The following NLRP2B variants were observed in gnomAD, a reference collection of about 807,000 sequenced individuals.
NLRP2B encodes NLR family pyrin domain-containing protein 2B.
For missense variants in NLRP2B, 25 were observed against 6.8 expected (o/e 3.70, Z -3.00); for synonymous variants, 16 against 3.5 (o/e 4.63, Z -4.03).
rs933051453 is a variant in NLRP2B at position 57,680,023 on chromosome X, G to A, written c.*100C>T. On this transcript the variant is annotated 3_prime_UTR_variant, in exon 1 of 1. Coordinates refer to ENST00000434992, the MANE Select transcript of NLRP2B (RefSeq NM_001319967.1). Reference sequence around the variant, plus strand: ...ACTTTCTCAGACAGATCCGCTCGGTGCATCTTTTCAAAGACCTGGATGGTC... The same window carrying A: ...ACTTTCTCAGACAGATCCGCTCGGTACATCTTTTCAAAGACCTGGATGGTC... The A allele has an allele frequency of 1.7e-5, 6 of 361,727 alleles. No individual in the cohort carries two copies. Among genetic ancestry groups the A allele is most frequent in the African/African-American group, 1.3e-4 (5 of 38,002 alleles). 29.8% of individuals were successfully genotyped at this position (361,727 alleles called of 1,213,427 possible).
chrX:57,678,566 T>A lies in NLRP2B; in HGVS notation c.*1557A>T. The A allele has an allele frequency of 2.0e-6, 1 of 497,662 alleles. No homozygotes were observed. Among genetic ancestry groups the A allele is most frequent in the Admixed American group, 2.6e-5 (1 of 38,597 alleles). The allele number at this position is 497,662 out of a possible 1,213,427, so 41.0% of individuals were successfully genotyped here. On this transcript the variant is annotated 3_prime_UTR_variant, in exon 1 of 1. Transcript: ENST00000434992. ...CAGCCCAAAGTGGTCTCCAACTCCT[T>A]GGCTTTCTTCTCGTTGGCGAAGCCG...
chrX:57,679,559 T>A lies in NLRP2B; in HGVS notation c.*564A>T. 1 of 579,798 alleles carries A rather than the reference T, an allele frequency of 1.7e-6. No individual in the cohort carries two copies. Among genetic ancestry groups the A allele is most frequent in the Non-Finnish European group, 3.0e-6 (1 of 338,586 alleles). The allele number at this position is 579,798 out of a possible 1,213,427, so 47.8% of individuals were successfully genotyped here. On this transcript the variant is annotated 3_prime_UTR_variant, in exon 1 of 1. Transcript: ENST00000434992. ...TAGAAAGCCTATCTAAATTTCTGGC[T>A]GAGGTTGTCCTCTGCCCAGTCCAGC...
In NLRP2B at chrX:57,677,348, A is replaced by G. The variant is rs941853468; in HGVS notation, c.*2775T>C. 2.7e-6 allele frequency: 1 copy of G among 368,683 alleles called. No homozygotes were observed. Among genetic ancestry groups the G allele is most frequent in the Admixed American group, 2.7e-5 (1 of 37,276 alleles). The allele number at this position is 368,683 out of a possible 1,213,427, so 30.4% of individuals were successfully genotyped here. A position where few individuals can be genotyped will look rare whatever the true frequency, so the allele number is the denominator to read the frequency against. On this transcript the variant is annotated 3_prime_UTR_variant, in exon 1 of 1. Transcript: ENST00000434992. The stretch of plus-strand genomic sequence containing the variant: ...CTGAGCACAGAGCAGAGGTCCTCAC[A>G]ACTGAACAGAGGGATGGAACACCCC...
At position 57,677,199 on chromosome X, in the gene NLRP2B, T is replaced by C. The variant is rs879231452; in HGVS notation, c.*2924A>G. The C allele has an allele frequency of 5.4e-6, 2 of 372,475 alleles. No homozygotes were observed. The highest frequency in any genetic ancestry group is 5.3e-5 in the Admixed American group (2 of 37,806). The allele number at this position is 372,475 out of a possible 1,213,427, so 30.7% of individuals were successfully genotyped here. ...TATCGAGTTCAACATTAAAGTCATC[T>C]ATTTTCAACCTGAGTGTCTGGAGGG... On this transcript the variant is annotated 3_prime_UTR_variant, in exon 1 of 1. Transcript: ENST00000434992.
At position 57,677,669 on chromosome X, in the gene NLRP2B, C is replaced by T. The variant is rs113416424; in HGVS notation, c.*2454G>A. On this transcript the variant is annotated 3_prime_UTR_variant, in exon 1 of 1. Transcript: ENST00000434992. ...AGGTGTGTCAGCTCCCCGCTGACAA[C>T]CAAAACAGCAGCAAAGTTCTTGCAA... is the stretch of plus-strand genomic sequence containing the variant. 2.9e-6 allele frequency: 1 copy of T among 339,093 alleles called. No homozygotes were observed. Among genetic ancestry groups the T allele is most frequent in the African/African-American group, 2.6e-5 (1 of 37,991 alleles). The allele number at this position is 339,093 out of a possible 1,213,427, so 27.9% of individuals were successfully genotyped here. A position where few individuals can be genotyped will look rare whatever the true frequency, so the allele number is the denominator to read the frequency against.
chrX:57,678,474 G>A lies in NLRP2B; in HGVS notation c.*1649C>T, dbSNP rs2011731415. The A allele has an allele frequency of 1.2e-5, 6 of 515,401 alleles. No individual in the cohort carries two copies. Among genetic ancestry groups the A allele is most frequent in the Admixed American group, 1.1e-4 (4 of 37,583 alleles). The allele number at this position is 515,401 out of a possible 1,213,427, so 42.5% of individuals were successfully genotyped here. A position where few individuals can be genotyped will look rare whatever the true frequency, so the allele number is the denominator to read the frequency against. Reference sequence around the variant, plus strand: ...GCTCCTTCGGGTTCATCATTGTTGAGTGTCCAACCTTTTCACAATTTATCT... The same window carrying A: ...GCTCCTTCGGGTTCATCATTGTTGAATGTCCAACCTTTTCACAATTTATCT... On this transcript the variant is annotated 3_prime_UTR_variant, in exon 1 of 1. Transcript: ENST00000434992.
rs544370965 is a variant in NLRP2B at position 57,677,294 on chromosome X, G to A, written c.*2829C>T. 2.3e-5 allele frequency: 9 copies of A among 385,676 alleles called. No homozygotes were observed. The highest frequency in any genetic ancestry group is 5.2e-4 in the Middle Eastern group (1 of 1,908). 31.8% of individuals were successfully genotyped at this position (385,676 alleles called of 1,213,427 possible). A position where few individuals can be genotyped will look rare whatever the true frequency, so the allele number is the denominator to read the frequency against. On this transcript the variant is annotated 3_prime_UTR_variant, in exon 1 of 1. Coordinates refer to ENST00000434992, the MANE Select transcript of NLRP2B (RefSeq NM_001319967.1). ...CTAGACCCCAAGGGATTCTGGCTCAGGTCCAGAACGACGAGGCTGTGGTTG... is the reference window on the plus strand; with the variant it reads ...CTAGACCCCAAGGGATTCTGGCTCAAGTCCAGAACGACGAGGCTGTGGTTG...
At position 57,680,042 on chromosome X, in the gene NLRP2B, G is replaced by A; in HGVS notation, c.*81C>T. 1 of 396,055 alleles carries A rather than the reference G, an allele frequency of 2.5e-6. No individual in the cohort carries two copies. Among genetic ancestry groups the A allele is most frequent in the Non-Finnish European group, 4.5e-6 (1 of 223,573 alleles). 32.6% of individuals were successfully genotyped at this position (396,055 alleles called of 1,213,427 possible). A position where few individuals can be genotyped will look rare whatever the true frequency, so the allele number is the denominator to read the frequency against. On this transcript the variant is annotated 3_prime_UTR_variant, in exon 1 of 1. Coordinates refer to ENST00000434992, the MANE Select transcript of NLRP2B (RefSeq NM_001319967.1). ...CTCGGTGCATCTTTTCAAAGACCTG[G>A]ATGGTCTCTATCTTCATCCAGTAGC...
In NLRP2B at chrX:57,677,222, G is replaced by C. The variant is rs1049948353; in HGVS notation, c.*2901C>G. On this transcript the variant is annotated 3_prime_UTR_variant, in exon 1 of 1. Coordinates refer to ENST00000434992, the MANE Select transcript of NLRP2B (RefSeq NM_001319967.1). ...TCTATTTTCAACCTGAGTGTCTGGAGGGTGCAATTTGGATGTGTCAAGGTT... is the reference window on the plus strand; with the variant it reads ...TCTATTTTCAACCTGAGTGTCTGGACGGTGCAATTTGGATGTGTCAAGGTT... 1.6e-5 allele frequency: 6 copies of C among 381,634 alleles called. No individual in the cohort carries two copies. The East Asian group carries it at 4.4e-4, about 28-fold the overall frequency. 31.5% of individuals were successfully genotyped at this position (381,634 alleles called of 1,213,427 possible). A position where few individuals can be genotyped will look rare whatever the true frequency, so the allele number is the denominator to read the frequency against.
Position 57,678,333 on chromosome X carries a change from G to A in NLRP2B, c.*1790C>T. On this transcript the variant is annotated 3_prime_UTR_variant, in exon 1 of 1. Coordinates refer to ENST00000434992, the MANE Select transcript of NLRP2B (RefSeq NM_001319967.1). ...TCTGCAAGTTTCGACAATGCTTGAG[G>A]CAGATTGAAAACAGCATAATGTCTA... is the stretch of plus-strand genomic sequence containing the variant. The A allele has an allele frequency of 1.9e-6, 1 of 538,630 alleles. No homozygotes were observed. Among genetic ancestry groups the A allele is most frequent in the South Asian group, 2.4e-5 (1 of 42,500 alleles). 44.4% of individuals were successfully genotyped at this position (538,630 alleles called of 1,213,427 possible). A position where few individuals can be genotyped will look rare whatever the true frequency, so the allele number is the denominator to read the frequency against.
chrX:57,678,906 C>T lies in NLRP2B; in HGVS notation c.*1217G>A. ...ACACTGACATCTGCGCCCACAGGCC[C>T]TGTGCCGCCAGGAGGCTCAGCGCCC... On this transcript the variant is annotated 3_prime_UTR_variant, in exon 1 of 1. Coordinates refer to ENST00000434992, the MANE Select transcript of NLRP2B (RefSeq NM_001319967.1). 2.5e-6 allele frequency: 1 copy of T among 405,023 alleles called. No individual in the cohort carries two copies. The highest frequency in any genetic ancestry group is 4.3e-6 in the Non-Finnish European group (1 of 233,592). 33.4% of individuals were successfully genotyped at this position (405,023 alleles called of 1,213,427 possible). A position where few individuals can be genotyped will look rare whatever the true frequency, so the allele number is the denominator to read the frequency against.
At position 57,679,494 on chromosome X, in the gene NLRP2B, A is replaced by G. The variant is rs1318714269; in HGVS notation, c.*629T>C. On this transcript the variant is annotated 3_prime_UTR_variant, in exon 1 of 1. Coordinates refer to ENST00000434992, the MANE Select transcript of NLRP2B (RefSeq NM_001319967.1). ...AGTTCCTGAAGACCAGCTCTGCAAA[A>G]CTGCACGGGCCCAGGCAGATGAGCT... 1 of 873,814 alleles carries G rather than the reference A, an allele frequency of 1.1e-6. No homozygotes were observed. Among genetic ancestry groups the G allele is most frequent in the Non-Finnish European group, 1.7e-6 (1 of 593,704 alleles). The allele number at this position is 873,814 out of a possible 1,213,427, so 72.0% of individuals were successfully genotyped here. A position where few individuals can be genotyped will look rare whatever the true frequency, so the allele number is the denominator to read the frequency against.
rs868037693 is a variant in NLRP2B, at chrX:57,679,160, G to A, written c.*963C>T. ...GGTCCTCGTCTCCAAAGTGTCTCAGGAAATATGCCCTCCTGTCCTTCTCCA... is the reference window on the plus strand; with the variant it reads ...GGTCCTCGTCTCCAAAGTGTCTCAGAAAATATGCCCTCCTGTCCTTCTCCA... On this transcript the variant is annotated 3_prime_UTR_variant, in exon 1 of 1. Coordinates refer to ENST00000434992, the MANE Select transcript of NLRP2B (RefSeq NM_001319967.1). The A allele has an allele frequency of 8.0e-5, 38 of 474,124 alleles. No homozygotes were observed. Among genetic ancestry groups the A allele is most frequent in the Middle Eastern group, 5.4e-4 (1 of 1,864 alleles). The allele number at this position is 474,124 out of a possible 1,213,427, so 39.1% of individuals were successfully genotyped here.
In NLRP2B at chrX:57,677,772, C is replaced by T; in HGVS notation, c.*2351G>A. The T allele has an allele frequency of 2.3e-6, 1 of 431,042 alleles. No individual in the cohort carries two copies. The allele number at this position is 431,042 out of a possible 1,213,427, so 35.5% of individuals were successfully genotyped here. Reference sequence around the variant, plus strand: ...TTGGGTGTCTCAAAGTTGTGTACAGCAACTTGGCACCCTCATCCAAGAGCT... The same window carrying T: ...TTGGGTGTCTCAAAGTTGTGTACAGTAACTTGGCACCCTCATCCAAGAGCT... On this transcript the variant is annotated 3_prime_UTR_variant, in exon 1 of 1. Transcript: ENST00000434992.
Position 57,677,596 on chromosome X carries a change from A to G in NLRP2B, c.*2527T>C. 3.3e-6 allele frequency: 1 copy of G among 303,095 alleles called. No individual in the cohort carries two copies. Among genetic ancestry groups the G allele is most frequent in the South Asian group, 3.7e-5 (1 of 26,980 alleles). The allele number at this position is 303,095 out of a possible 1,213,427, so 25.0% of individuals were successfully genotyped here. ...ATGGGGGTAACTCAAACCCTTACAC[A>G]GAAACATCACCCATGTATCCCCGAG... On this transcript the variant is annotated 3_prime_UTR_variant, in exon 1 of 1. Coordinates refer to ENST00000434992, the MANE Select transcript of NLRP2B (RefSeq NM_001319967.1).
chrX:57,679,620 C>G lies in NLRP2B; in HGVS notation c.*503G>C, dbSNP rs369038152. On this transcript the variant is annotated 3_prime_UTR_variant, in exon 1 of 1. Transcript: ENST00000434992. Reference sequence around the variant, plus strand: ...TGGCCAGCGTGGTTTTCCCAAGGCCCGCAGGACCATGCAGCACCACCGTGT... The same window carrying G: ...TGGCCAGCGTGGTTTTCCCAAGGCCGGCAGGACCATGCAGCACCACCGTGT... 3.9e-5 allele frequency: 19 copies of G among 489,105 alleles called. 1 individual carries two copies. Among genetic ancestry groups the G allele is most frequent in the Middle Eastern group, 3.6e-4 (1 of 2,754 alleles). 40.3% of individuals were successfully genotyped at this position (489,105 alleles called of 1,213,427 possible). A position where few individuals can be genotyped will look rare whatever the true frequency, so the allele number is the denominator to read the frequency against.
rs1210559103 is a variant in NLRP2B at position 57,679,379 on chromosome X, G to C, written c.*744C>G. On this transcript the variant is annotated 3_prime_UTR_variant, in exon 1 of 1. Coordinates refer to ENST00000434992, the MANE Select transcript of NLRP2B (RefSeq NM_001319967.1). ...ATGTCCTAGATCAGTGCCCCAGGTGGGGCTCCCAGCTCATCAAAGCCGTCG... is the reference window on the plus strand; with the variant it reads ...ATGTCCTAGATCAGTGCCCCAGGTGCGGCTCCCAGCTCATCAAAGCCGTCG... The C allele has an allele frequency of 3.9e-6, 3 of 769,207 alleles. No individual in the cohort carries two copies. The African/African-American group carries it at 6.2e-5, about 16-fold the overall frequency. The allele number at this position is 769,207 out of a possible 1,213,427, so 63.4% of individuals were successfully genotyped here.
chrX:57,679,719 G>A lies in NLRP2B; in HGVS notation c.*404C>T, dbSNP rs1697346994. On this transcript the variant is annotated 3_prime_UTR_variant, in exon 1 of 1. Transcript: ENST00000434992. ...TCTTGTATCTCTGAGCCATAATATG[G>A]ACCACTTTGAGGTCTCCAGGCCAGG... 4.8e-6 allele frequency: 2 copies of A among 414,775 alleles called. No individual in the cohort carries two copies. Among genetic ancestry groups the A allele is most frequent in the Non-Finnish European group, 8.6e-6 (2 of 231,494 alleles). The allele number at this position is 414,775 out of a possible 1,213,427, so 34.2% of individuals were successfully genotyped here. A position where few individuals can be genotyped will look rare whatever the true frequency, so the allele number is the denominator to read the frequency against.
rs2147379924 is a variant in NLRP2B at position 57,679,263 on chromosome X, G to A, written c.*860C>T. The A allele has an allele frequency of 2.2e-6, 1 of 456,391 alleles. No individual in the cohort carries two copies. The highest frequency in any genetic ancestry group is 2.9e-5 in the South Asian group (1 of 34,052). The allele number at this position is 456,391 out of a possible 1,213,427, so 37.6% of individuals were successfully genotyped here. ...TCTCAGGGCCCGCAGGCCACGTGGT[G>A]ACCAGCACGGCGGCCCTGGGTAAAA... is the stretch of plus-strand genomic sequence containing the variant. On this transcript the variant is annotated 3_prime_UTR_variant, in exon 1 of 1. Transcript: ENST00000434992.
Sources: gnomAD v4.1 joint callset for allele counts on GRCh38, gnomAD v4.1.1 for gene constraint, MANE v1.5 for transcripts, NCBI Gene and HGNC (gene_info 2026-07-23, HGNC 2026-07-21) for gene names.